Variants in TDG observed in about 807,000 individuals in gnomAD.
TDG encodes the protein thymine DNA glycosylase, also known as G/T mismatch-specific thymine DNA glycosylase.
TDG carries 23 observed loss-of-function variants against 46.1 expected under a neutral mutation model. The observed-to-expected ratio is 0.50, with a 90% CI of 0.36 to 0.71. The LOEUF (loss-of-function observed/expected upper bound fraction) is 0.71. Ranked by LOEUF, TDG falls within the 30% of genes least tolerant of loss-of-function variation. The pLI is 0.00. For synonymous variants in TDG, 115 were observed against 161.3 expected (o/e 0.71, Z 2.18); for missense variants, 304 against 486.7 (o/e 0.62, Z 3.53).
chr12:103,980,327 G>A (rs534320387), intron 3 of TDG: 8 of 436,750 alleles, frequency 1.8e-5, no homozygotes, highest in African/African-American at 4.1e-5. Flanking sequence ...TCTAAACACC[G>A]GTTTTCTCAT....
At chr12:103,968,528 A>G (rs367587746) in intron 1 of TDG, among the ~76,000 whole-genome samples, 7 of 152,220 alleles carry the variant, frequency 4.6e-5, no homozygotes, top group Admixed American at 3.9e-4. Flanking sequence ...TACATCTCCT[A>G]TGTTAGCAAA....
intron 1 of TDG, among the ~76,000 whole-genome samples, chr12:103,966,403 A>G (rs530000525): frequency 1.3e-5 from 2 of 152,322 alleles, no homozygotes; most frequent in East Asian, 3.9e-4. Flanking sequence ...GTCACCCTCC[A>G]TTACCACGCA....
chr12:103,984,347 A>G (rs1872002260), intron 7 of TDG, among the ~76,000 whole-genome samples: 1 of 152,072 alleles, frequency 6.6e-6, no homozygotes, highest in African/African-American at 2.4e-5. Context: ...TAATCCCAGC[A>G]CTTTGGGAGG....
intron 1 of TDG, among the ~76,000 whole-genome samples, chr12:103,970,260 T>A (rs1390967777): frequency 6.6e-6 from 1 of 152,192 alleles, no homozygotes; most frequent in East Asian, 1.9e-4. Context: ...GGAGGATCAC[T>A]TGAGACCAGA....
intron 1 of TDG, among the ~76,000 whole-genome samples, chr12:103,970,502 C>T (rs1489287359): frequency 1.3e-5 from 2 of 150,974 alleles, no homozygotes; most frequent in Non-Finnish European, 3.0e-5. Context: ...CAACTTAAAT[C>T]CCTAAAATAG....
chr12:103,986,934 T>C lies in TDG; in HGVS notation c.1091-14T>C, dbSNP rs570899685. On this transcript the variant is annotated splice_polypyrimidine_tract_variant and intron_variant, in intron 9 of 9. Transcript: ENST00000392872. ...TAAATGGCATAAACTAACTTTGTTT[T>C]TCTTTTCTGGCAGTTGAGAGCGTGG... 63 of 1,612,930 alleles carry C rather than the reference T, an allele frequency of 3.9e-5. No homozygotes were observed. In the South Asian group the frequency reaches 6.8e-4, roughly 17 times the overall value.
At chr12:103,976,595 C>G (rs1165800667) in intron 1 of TDG, among the ~76,000 whole-genome samples, 1 of 152,188 alleles carries the variant, frequency 6.6e-6, no homozygotes, top group Non-Finnish European at 1.5e-5. Flanking sequence ...ATAGACCTTT[C>G]AAGTCTGTCT....
chr12:103,980,747 G>T, intron 3 of TDG, 146 bp from the exon 4 acceptor site: 1 of 631,396 alleles, frequency 1.6e-6, no homozygotes. Flanking sequence ...CAGATCAAGA[G>T]TAGTAATTGA....
At chr12:103,985,166 T>TACATACACACACACACACACAC (rs1555275231) in intron 8 of TDG, among the ~76,000 whole-genome samples, 4 of 138,564 alleles carry the variant, frequency 2.9e-5, no homozygotes, top group East Asian at 2.2e-4. Flanking sequence ...TATAGACACA[T>TACATACACACACACACACACAC]ACACACACAC....
chr12:103,985,872 ATGG>A (rs1484351137), intron 9 of TDG, 144 bp downstream of exon 9: 5 of 948,438 alleles, frequency 5.3e-6, no homozygotes, highest in Non-Finnish European at 7.3e-6. Flanking sequence ...TGAAAAATTG[ATGG>A]TTATTTCACG....
intron 1 of TDG, 21 bp downstream of exon 1, chr12:103,966,081 GC>G (rs1383539411): frequency 1.3e-6 from 2 of 1,560,024 alleles, no homozygotes; most frequent in Admixed American, 1.8e-5. Context: ...GGCCAGCGCC[GC>G]CCCTCCCTTG....
chr12:103,967,439 GAA>G, intron 1 of TDG, among the ~76,000 whole-genome samples: 1 of 144,568 alleles, frequency 6.9e-6, no homozygotes, highest in South Asian at 2.2e-4. Context: ...TGTGGGATGT[GAA>G]AAAAAATAAA....
At chr12:103,985,475 G>A (rs1872097309) in intron 8 of TDG, 128 bp from the exon 9 acceptor site, 1 of 1,114,940 alleles carries the variant, frequency 9.0e-7, no homozygotes, top group Non-Finnish European at 1.2e-6. Flanking sequence ...AAGTTTAAAA[G>A]ATTAATAGAG....
chr12:103,972,876 A>AAG (rs1481751747), intron 1 of TDG: 1 of 597,446 alleles, frequency 1.7e-6, no homozygotes, highest in Admixed American at 2.9e-5. Flanking sequence ...ACCTCCGACT[A>AAG]TACTAAAAGT....
At chr12:103,968,773 C>G (rs1366609198) in intron 1 of TDG, among the ~76,000 whole-genome samples, 1 of 152,178 alleles carries the variant, frequency 6.6e-6, no homozygotes, top group Admixed American at 6.5e-5. Flanking sequence ...GGAGTCTGTC[C>G]TCTGTTGACA....
intron 1 of TDG, chr12:103,972,991 C>T: frequency 1.4e-6 from 1 of 699,910 alleles, no homozygotes; most frequent in Non-Finnish European, 2.6e-6. Context: ...CAAAATGGGA[C>T]ATGTGAAATT....
chr12:103,980,392 G>A (rs916568588), intron 3 of TDG: 11 of 292,910 alleles, frequency 3.8e-5, no homozygotes, highest in African/African-American at 2.4e-4. Context: ...GTAAATGAGA[G>A]AATCCATGTG....
chr12:103,980,975 C>A lies in TDG; in HGVS notation c.478+13C>A, dbSNP rs1430610346. The stretch of plus-strand genomic sequence containing the variant: ...GGAAACCATTTTTGTAAGTGGTTAC[C>A]TTTTAAATTAATTTACTTTTAAATT... On this transcript the variant is annotated intron_variant, in intron 4 of 9. Coordinates refer to ENST00000392872, the MANE Select transcript of TDG (RefSeq NM_003211.6). The A allele has an allele frequency of 2.5e-6, 4 of 1,600,954 alleles. No homozygotes were observed. Among genetic ancestry groups the A allele is most frequent in the Non-Finnish European group, 3.4e-6 (4 of 1,175,882 alleles).
rs756483026 is a variant in TDG at position 103,981,616 on chromosome 12, G to A, written c.478+654G>A. On this transcript the variant is annotated intron_variant, in intron 4 of 9. Transcript: ENST00000392872. ...AACGATAGTATAGTACATCTTTGTGGCAGTGCAGACATAATACTAACTTTC... is the reference window on the plus strand; with the variant it reads ...AACGATAGTATAGTACATCTTTGTGACAGTGCAGACATAATACTAACTTTC... 2.6e-5 allele frequency among the ~76,000 whole-genome samples: 4 copies of A among 152,218 alleles called. No individual in the cohort carries two copies. The Middle Eastern group carries it at 0.01, about 388-fold the overall frequency.
Sources: allele counts gnomAD v4.1 joint callset (sites outside exome capture counted in the v4.1 genomes callset), GRCh38; gene constraint gnomAD v4.1.1; transcripts MANE v1.5; gene names NCBI Gene and HGNC (gene_info 2026-07-23, HGNC 2026-07-21).